GIGYF2: variants seen among roughly 807,000 people sequenced by gnomAD.
The protein encoded by GIGYF2 is GRB10 interacting GYF protein 2.
GIGYF2 carries 25 observed loss-of-function variants against 208.1 expected under a neutral mutation model. The observed-to-expected ratio is 0.12, with a 90% CI of 0.09 to 0.17. The LOEUF is 0.17. Among genes scored for constraint, GIGYF2 ranks in the 10% least tolerant of loss-of-function variants. The pLI, the probability that GIGYF2 is intolerant of heterozygous loss-of-function variation, is 1.00. For missense variants in GIGYF2, 1,302 were observed against 1,579.4 expected (o/e 0.82, Z 2.98); for synonymous variants, 534 against 543.8 (o/e 0.98, Z 0.25).
rs952273496 is a variant in GIGYF2, at chr2:232,713,807, C to T, written c.-44+10318C>T. On this transcript the variant is annotated intron_variant, in intron 2 of 28. Coordinates refer to ENST00000373563, the MANE Select transcript of GIGYF2 (RefSeq NM_001103146.3). ...GTTATGGATTTTTAGAGGAAGATGACAAAGTGTCATTTTCATCATATTAAG... is the reference window on the plus strand; with the variant it reads ...GTTATGGATTTTTAGAGGAAGATGATAAAGTGTCATTTTCATCATATTAAG... 1.8e-4 allele frequency among the ~76,000 whole-genome samples: 28 copies of T among 152,138 alleles called. 1 individual carries two copies. Among genetic ancestry groups the T allele is most frequent in the African/African-American group, 6.3e-4 (26 of 41,420 alleles).
chr2:232,720,583 A>ATTT (rs1553605416), intron 2 of GIGYF2, among the ~76,000 whole-genome samples: 28 of 144,910 alleles, frequency 1.9e-4, no homozygotes, highest in African/African-American at 6.0e-4. Flanking sequence ...ATATATATAT[A>ATTT]TTTTTGTTTG....
In GIGYF2 at chr2:232,850,321, C is replaced by T. The variant is rs1297147740; in HGVS notation, c.3744C>T (p.Ser1248=). The change falls in exon 28 of 29, where the codon AGC becomes AGT. Residue 1248 remains serine (S), a synonymous_variant. Coordinates refer to ENST00000373563, the MANE Select transcript of GIGYF2 (RefSeq NM_001103146.3). ...ATTCAGTATTTCAGACCAATCAAAG[C>T]AACAACCAACAATCCAATTTTGAGG... ...TLHSVFQTNQ[S]NNQQSNFEAV... 6.2e-7 allele frequency: 1 copy of T among 1,613,352 alleles called. No homozygotes were observed. Among genetic ancestry groups the T allele is most frequent in the African/African-American group, 1.3e-5 (1 of 74,862 alleles).
At chr2:232,750,731 C>CTGTGTG (rs61571808) in intron 5 of GIGYF2, among the ~76,000 whole-genome samples, 2,466 of 147,368 alleles carry the variant, frequency 0.017, 19 homozygotes, top group Non-Finnish European at 0.021. Context: ...TATATGAGCT[C>CTGTGTG]TGTGTGTGTG....
intron 8 of GIGYF2, chr2:232,782,591 G>A (rs1472895581): frequency 6.6e-6 from 1 of 152,170 alleles, no homozygotes; most frequent in Non-Finnish European, 1.5e-5. Flanking sequence ...CGTGTGGTTT[G>A]TTTATACAGT....
At chr2:232,773,392 A>G (rs1437103688) in intron 8 of GIGYF2, among the ~76,000 whole-genome samples, 3 of 152,228 alleles carry the variant, frequency 2.0e-5, no homozygotes, top group African/African-American at 4.8e-5. Context: ...GACAGATAAA[A>G]GAAATTTACA....
chr2:232,818,217 C>G (rs1700972030), intron 20 of GIGYF2, among the ~76,000 whole-genome samples: 1 of 152,160 alleles, frequency 6.6e-6, no homozygotes, highest in African/African-American at 2.4e-5. Flanking sequence ...AAGACTTCTG[C>G]CTTCTCTTTA....
At chr2:232,819,661 C>G (rs1358296039) in intron 20 of GIGYF2, among the ~76,000 whole-genome samples, 166 bp from the exon 21 acceptor site, 1 of 152,096 alleles carries the variant, frequency 6.6e-6, no homozygotes, top group Non-Finnish European at 1.5e-5. Context: ...TCCAATTCCC[C>G]AATTTACATG....
At chr2:232,840,058 T>G in intron 23 of GIGYF2, 87 bp downstream of exon 23, 1 of 1,328,654 alleles carries the variant, frequency 7.5e-7, no homozygotes, top group Non-Finnish European at 1.1e-6. Context: ...CTGAGGACAA[T>G]TACTGTCAGA....
At position 232,806,712 on chromosome 2, in the gene GIGYF2, C is replaced by A; in HGVS notation, c.1806+55C>A. The A allele has an allele frequency of 7.9e-7, 1 of 1,267,328 alleles. No individual in the cohort carries two copies. Among genetic ancestry groups the A allele is most frequent in the Non-Finnish European group, 1.2e-6 (1 of 864,846 alleles). The allele number at this position is 1,267,328 out of a possible 1,614,324, so 78.5% of individuals were successfully genotyped here. A position where few individuals can be genotyped will look rare whatever the true frequency, so the allele number is the denominator to read the frequency against. On this transcript the variant is annotated intron_variant, in intron 15 of 28. Transcript: ENST00000373563. The surrounding 1 kb of genome is among the most constrained non-coding windows in gnomAD (Gnocchi z 4.0). ...ATATTAGTCACGGAAACACTTGATTCTCTTTGAAAACACAACCCAAATATA... is the reference window on the plus strand; with the variant it reads ...ATATTAGTCACGGAAACACTTGATTATCTTTGAAAACACAACCCAAATATA...
chr2:232,760,709 T>C (rs1165957708), intron 7 of GIGYF2, 118 bp downstream of exon 7: 3 of 701,034 alleles, frequency 4.3e-6, no homozygotes, highest in Non-Finnish European at 7.8e-6. Flanking sequence ...AAAAATGCTC[T>C]TAAGTATTGA....
intron 9 of GIGYF2, among the ~76,000 whole-genome samples, chr2:232,787,790 A>G (rs1699960627): frequency 6.6e-6 from 1 of 152,234 alleles, no homozygotes; most frequent in Admixed American, 6.5e-5. Context: ...TTGAAGAATA[A>G]GCTTTAAACC....
At chr2:232,712,804 G>T (rs1244447910) in intron 2 of GIGYF2, among the ~76,000 whole-genome samples, 2 of 152,096 alleles carry the variant, frequency 1.3e-5, no homozygotes, top group Non-Finnish European at 2.9e-5. Flanking sequence ...ATGTTACATT[G>T]ATTTTTTAAA....
At chr2:232,803,619 G>C (rs188691352) in intron 14 of GIGYF2, among the ~76,000 whole-genome samples, 8 of 150,080 alleles carry the variant, frequency 5.3e-5, no homozygotes, top group Admixed American at 2.7e-4. Flanking sequence ...TCAAAATTTA[G>C]TTAAGCATAT....
In GIGYF2 at chr2:232,850,415, C is replaced by T. The variant is rs776955414; in HGVS notation, c.3832+6C>T. The T allele has an allele frequency of 8.1e-6, 13 of 1,612,826 alleles. No individual in the cohort carries two copies. In the Admixed American group the frequency reaches 1.8e-4, roughly 23 times the overall value. The stretch of plus-strand genomic sequence containing the variant: ...AGCAGATCCCAGTTTATTAGGTGAG[C>T]ACGGTCCTAGTCTCAGCTGAGTGTT... On this transcript the variant is annotated splice_donor_region_variant and intron_variant, in intron 28 of 28. Coordinates refer to ENST00000373563, the MANE Select transcript of GIGYF2 (RefSeq NM_001103146.3).
At chr2:232,841,811 A>G (rs1701825884) in intron 23 of GIGYF2, among the ~76,000 whole-genome samples, 2 of 151,920 alleles carry the variant, frequency 1.3e-5, no homozygotes, top group Admixed American at 6.6e-5. Flanking sequence ...AGCTTGCTTT[A>G]TAGCTGCTGT....
rs1695914521 is a variant in GIGYF2, at chr2:232,702,771, C to T, written c.-109-653C>T. 2.6e-5 allele frequency among the ~76,000 whole-genome samples: 4 copies of T among 152,112 alleles called. No homozygotes were observed. The South Asian group carries it at 8.3e-4, about 32-fold the overall frequency. ...GATTATTTGCATAGGATGCATATTGCTGTGATGCGGCTTTTGTTTTTCTGT... is the reference window on the plus strand; with the variant it reads ...GATTATTTGCATAGGATGCATATTGTTGTGATGCGGCTTTTGTTTTTCTGT... On this transcript the variant is annotated intron_variant, in intron 1 of 28. Transcript: ENST00000373563.
At chr2:232,730,897 C>CAAAAAAA (rs34491260) in intron 2 of GIGYF2, among the ~76,000 whole-genome samples, 3 of 51,570 alleles carry the variant, frequency 5.8e-5, no homozygotes, top group East Asian at 6.0e-4. Context: ...GACTCCGTCT[C>CAAAAAAA]AAAAAAAAAA....
chr2:232,760,251 C>G (rs1000948065), intron 6 of GIGYF2: 3 of 485,940 alleles, frequency 6.2e-6, no homozygotes, highest in African/African-American at 5.9e-5. Context: ...GGGTCTATTG[C>G]ATTATATTAT....
chr2:232,788,952 A>C (rs966120974), intron 9 of GIGYF2, among the ~76,000 whole-genome samples: 1 of 152,216 alleles, frequency 6.6e-6, no homozygotes, highest in African/African-American at 2.4e-5. Flanking sequence ...AATACGATTC[A>C]CTTTTTAAAC....
Sources: allele counts gnomAD v4.1 joint callset (sites outside exome capture counted in the v4.1 genomes callset), GRCh38; gene constraint gnomAD v4.1.1; non-coding constraint Gnocchi (gnomAD v3.1); transcripts MANE v1.5; gene names NCBI Gene and HGNC (gene_info 2026-07-23, HGNC 2026-07-21).